Variants in CFAP299 observed in about 807,000 individuals in gnomAD.
CFAP299 encodes cilia and flagella associated protein 299.
Under a neutral mutation model 27.0 loss-of-function variants are expected in CFAP299, and 21 were observed. The ratio of observed to expected loss-of-function variants is 0.78; its 90% CI spans 0.55 to 1.12. The LOEUF is 1.12. Among genes scored for constraint, CFAP299 ranks in the 50% most tolerant of loss-of-function variants. The probability of loss-of-function intolerance (pLI) is 0.00; values close to 1 mark genes in which losing one functional copy is unlikely to be tolerated. For synonymous variants in CFAP299, 104 were observed against 98.1 expected (o/e 1.06, Z -0.36); for missense variants, 310 against 276.6 (o/e 1.12, Z -0.86).
chr4:80,698,504 T>G (rs1394536649), intron 3 of CFAP299, among the ~76,000 whole-genome samples: 1 of 152,234 alleles, frequency 6.6e-6, no homozygotes, highest in Non-Finnish European at 1.5e-5. Context: ...AGTAAATATT[T>G]TAGGTGCCTA....
At chr4:80,359,486 A>G (rs763962801) in intron 1 of CFAP299, among the ~76,000 whole-genome samples, 1 of 152,016 alleles carries the variant, frequency 6.6e-6, no homozygotes, top group African/African-American at 2.4e-5. Context: ...TCTTTACCCA[A>G]TCCTAGATTT....
At chr4:80,822,522 A>G (rs187128597) in intron 3 of CFAP299, among the ~76,000 whole-genome samples, 9 of 152,266 alleles carry the variant, frequency 5.9e-5, no homozygotes, top group Admixed American at 5.2e-4. Flanking sequence ...AGTACATTCA[A>G]TGTTTTTCAC....
chr4:80,939,822 G>A (rs748809512), intron 4 of CFAP299, among the ~76,000 whole-genome samples: 3 of 152,012 alleles, frequency 2.0e-5, no homozygotes, highest in African/African-American at 7.2e-5. Context: ...AGATTTTGAG[G>A]GTCTCTCAGG....
At chr4:80,483,124 A>T (rs1730647471) in intron 2 of CFAP299, among the ~76,000 whole-genome samples, 2 of 152,158 alleles carry the variant, frequency 1.3e-5, no homozygotes, top group South Asian at 4.1e-4. Flanking sequence ...TTAAAGGTGG[A>T]GGAGGGGGGC....
At position 80,833,926 on chromosome 4, in the gene CFAP299, TAAAGAGACC is replaced by T. The variant is rs1395974544; in HGVS notation, c.334-36065_334-36057del. Among the ~76,000 whole-genome samples, 5 of 152,182 alleles carry T rather than the reference TAAAGAGACC, an allele frequency of 3.3e-5. No homozygotes were observed. In the East Asian group the frequency reaches 9.6e-4, roughly 29 times the overall value. On this transcript the variant is annotated intron_variant, in intron 3 of 5. Transcript: ENST00000358105. ...CCAGAGTAAAGTAAGAAATGGAAGC[TAAAGAGACC>T]ATTCCAAATCACTGGCATATGACAG...
At chr4:80,925,571 T>A (rs1302128236) in intron 4 of CFAP299, among the ~76,000 whole-genome samples, 1 of 151,876 alleles carries the variant, frequency 6.6e-6, no homozygotes, top group East Asian at 1.9e-4. Context: ...CCCATACACC[T>A]GCAATTATAG....
intron 3 of CFAP299, among the ~76,000 whole-genome samples, chr4:80,664,936 A>G (rs982946508): frequency 6.6e-6 from 1 of 152,168 alleles, no homozygotes; most frequent in Non-Finnish European, 1.5e-5. Context: ...AGAATGCACC[A>G]TTCCTCATGG....
At chr4:80,795,764 C>T (rs181557888) in intron 3 of CFAP299, among the ~76,000 whole-genome samples, 140 of 152,254 alleles carry the variant, frequency 9.2e-4, no homozygotes, top group African/African-American at 3.2e-3. Context: ...CAGTTCAGGT[C>T]GCATGGTGAC....
rs75257872 is a variant in CFAP299 at position 80,451,188 on chromosome 4, C to T, written c.242+88304C>T. 2.4e-3 allele frequency among the ~76,000 whole-genome samples: 358 copies of T among 152,242 alleles called. 1 individual carries two copies. Among genetic ancestry groups the T allele is most frequent in the African/African-American group, 8.3e-3 (346 of 41,540 alleles). On this transcript the variant is annotated intron_variant, in intron 2 of 5. Transcript: ENST00000358105. The stretch of plus-strand genomic sequence containing the variant: ...CCTTTTGAGGCCTCTCTCACTGGCT[C>T]GCAGATGGATGGCTGCCTCCTTGCT...
intron 4 of CFAP299, among the ~76,000 whole-genome samples, chr4:80,916,808 T>C (rs563877750): frequency 6.6e-6 from 1 of 151,944 alleles, no homozygotes; most frequent in Admixed American, 6.6e-5. Flanking sequence ...GATTTAAGAG[T>C]AAAAATAGAA....
At chr4:80,924,761 G>T (rs1042210266) in intron 4 of CFAP299, among the ~76,000 whole-genome samples, 1 of 150,984 alleles carries the variant, frequency 6.6e-6, no homozygotes, top group Non-Finnish European at 1.5e-5. Flanking sequence ...CAGCTAGAGT[G>T]TTATAAGTAT....
chr4:80,593,123 T>C (rs72863150), intron 3 of CFAP299, among the ~76,000 whole-genome samples: 11,980 of 152,226 alleles, frequency 0.079, 712 homozygotes, highest in East Asian at 0.26. Flanking sequence ...TTGTTCTGTG[T>C]ATATATTGGC....
At chr4:80,857,817 A>G (rs1030762443) in intron 3 of CFAP299, among the ~76,000 whole-genome samples, 4 of 152,186 alleles carry the variant, frequency 2.6e-5, no homozygotes, top group Non-Finnish European at 5.9e-5. Context: ...GCAGTATTTT[A>G]TTGAGGATTT....
intron 3 of CFAP299, among the ~76,000 whole-genome samples, chr4:80,838,217 G>A (rs113816301): frequency 0.012 from 1,877 of 152,236 alleles, 17 homozygotes; most frequent in Middle Eastern, 0.02. Context: ...TAGGTTGCCT[G>A]TTCACTCTGA....
chr4:80,445,131 C>T (rs372777305), intron 2 of CFAP299, among the ~76,000 whole-genome samples: 13 of 152,272 alleles, frequency 8.5e-5, no homozygotes, highest in African/African-American at 2.9e-4. Flanking sequence ...CCTCAAGGGT[C>T]TAGAACCAGA....
intron 3 of CFAP299, among the ~76,000 whole-genome samples, chr4:80,619,873 A>G (rs1577940879): frequency 6.6e-6 from 1 of 152,170 alleles, no homozygotes; most frequent in East Asian, 1.9e-4. Flanking sequence ...AATTTGTCAC[A>G]GTGGATTTTG....
chr4:80,328,844 AT>A, the CFAP299 span, among the ~76,000 whole-genome samples: 10 of 152,192 alleles, frequency 6.6e-5, no homozygotes, highest in Admixed American at 6.5e-4. Context: ...CTCAGAGCCC[AT>A]CCAGTCCTAA....
At chr4:80,699,688 C>G (rs1721346846) in intron 3 of CFAP299, among the ~76,000 whole-genome samples, 1 of 152,180 alleles carries the variant, frequency 6.6e-6, no homozygotes, top group African/African-American at 2.4e-5. Flanking sequence ...TGTGAGCTCA[C>G]TGGCCCTCTA....
chr4:80,801,224 T>C (rs1290090384), intron 3 of CFAP299, among the ~76,000 whole-genome samples: 1 of 151,864 alleles, frequency 6.6e-6, no homozygotes, highest in Admixed American at 6.6e-5. Flanking sequence ...TAGATTTTTA[T>C]ATATTTAACA....
Sources: gnomAD v4.1 joint callset for allele counts (sites outside exome capture counted in the v4.1 genomes callset) on GRCh38, gnomAD v4.1.1 for gene constraint, MANE v1.5 for transcripts, NCBI Gene and HGNC (gene_info 2026-07-23, HGNC 2026-07-21) for gene names.